The following FHIT variants were observed in gnomAD, a reference collection of about 807,000 sequenced individuals.
FHIT encodes the protein fragile histidine triad diadenosine triphosphatase, also known as bis(5'-adenosyl)-triphosphatase.
In FHIT, 19 loss-of-function variants were observed where a neutral mutation model predicts 17.9. That is an observed-to-expected ratio of 1.06 (90% CI 0.74 to 1.56). The LOEUF (loss-of-function observed/expected upper bound fraction) is 1.56. FHIT is among the 40% of genes most tolerant of loss of function. The pLI is 0.00. For missense variants in FHIT, 248 were observed against 189.2 expected (o/e 1.31, Z -1.82); for synonymous variants, 81 against 69.7 (o/e 1.16, Z -0.81).
At chr3:60,067,134 A>G (rs1156290114) in intron 5 of FHIT, among the ~76,000 whole-genome samples, 2 of 152,168 alleles carry the variant, frequency 1.3e-5, no homozygotes, top group East Asian at 1.9e-4. Flanking sequence ...AAATAAACCT[A>G]TTCATGAACA....
chr3:60,634,704 A>T (rs2039534645), intron 4 of FHIT, among the ~76,000 whole-genome samples: 1 of 152,238 alleles, frequency 6.6e-6, no homozygotes, highest in Non-Finnish European at 1.5e-5. Flanking sequence ...TAAATGAGAA[A>T]GAGGAGAAGA....
intron 5 of FHIT, among the ~76,000 whole-genome samples, chr3:60,017,290 G>A (rs1700378532): frequency 6.6e-6 from 1 of 152,220 alleles, no homozygotes; most frequent in African/African-American, 2.4e-5. Flanking sequence ...ACAATGAAAG[G>A]AGGCCTCAGC....
At chr3:59,795,685 C>T (rs1244869714) in intron 8 of FHIT, among the ~76,000 whole-genome samples, 8 of 152,020 alleles carry the variant, frequency 5.3e-5, no homozygotes, top group Admixed American at 3.3e-4. Context: ...TATGATTGCA[C>T]CACTGTACTC....
chr3:60,117,987 G>C (rs952450979), intron 5 of FHIT, among the ~76,000 whole-genome samples: 9 of 152,134 alleles, frequency 5.9e-5, no homozygotes, highest in South Asian at 4.1e-4. Context: ...ATGGGATTCT[G>C]ACCTCCATTC....
chr3:61,091,575 G>A (rs117797981), intron 2 of FHIT, among the ~76,000 whole-genome samples: 3 of 152,098 alleles, frequency 2.0e-5, no homozygotes, highest in East Asian at 1.9e-4. Flanking sequence ...CCTGCCTAAC[G>A]TTAGCAAAAT....
chr3:60,027,283 A>G (rs926822036), intron 5 of FHIT, among the ~76,000 whole-genome samples: 12 of 152,200 alleles, frequency 7.9e-5, no homozygotes, highest in Non-Finnish European at 1.5e-4. Flanking sequence ...AAAACTGTGG[A>G]AACAAAACAA....
chr3:60,655,647 C>G (rs952282392), intron 4 of FHIT, among the ~76,000 whole-genome samples: 1 of 152,038 alleles, frequency 6.6e-6, no homozygotes, highest in Admixed American at 6.6e-5. Flanking sequence ...TCAAGAGGAA[C>G]AGTTTTATTT....
chr3:59,822,873 T>C (rs1700845433), intron 8 of FHIT, among the ~76,000 whole-genome samples: 1 of 152,170 alleles, frequency 6.6e-6, no homozygotes, highest in Admixed American at 6.5e-5. Context: ...AAAGTCTGCC[T>C]AAGCCAATGT....
At chr3:60,766,201 T>C (rs553845548) in intron 4 of FHIT, among the ~76,000 whole-genome samples, 1 of 152,314 alleles carries the variant, frequency 6.6e-6, no homozygotes, top group South Asian at 2.1e-4. Context: ...CTTGGACACA[T>C]GAAAAATTAT....
chr3:60,341,658 C>T (rs1303625163), intron 5 of FHIT, among the ~76,000 whole-genome samples: 2 of 152,068 alleles, frequency 1.3e-5, no homozygotes, highest in Non-Finnish European at 2.9e-5. Flanking sequence ...GAAGATGCCT[C>T]TATGTAGTCT....
intron 4 of FHIT, among the ~76,000 whole-genome samples, chr3:60,664,708 GTTTTTT>G (rs575588178): frequency 1.5e-5 from 2 of 132,414 alleles, no homozygotes; most frequent in African/African-American, 2.7e-5. Context: ...AGTTTAGCTA[GTTTTTT>G]TTTTTTTTTT....
chr3:61,138,976 C>T (rs1435191243), intron 2 of FHIT, among the ~76,000 whole-genome samples: 2 of 151,786 alleles, frequency 1.3e-5, no homozygotes, highest in African/African-American at 4.8e-5. Context: ...AGAACCACAG[C>T]TGTGGGCCCT....
At chr3:59,962,895 T>A (rs1288480870) in intron 7 of FHIT, among the ~76,000 whole-genome samples, 1 of 152,178 alleles carries the variant, frequency 6.6e-6, no homozygotes, top group Non-Finnish European at 1.5e-5. Context: ...AGCAAATAGT[T>A]TGCACTTTGC....
intron 8 of FHIT, among the ~76,000 whole-genome samples, chr3:59,836,626 T>A (rs1701349262): frequency 6.6e-6 from 1 of 152,118 alleles, no homozygotes. Flanking sequence ...AGAAATCAAA[T>A]CAGTATGGGC....
At chr3:60,441,741 TATTTATATATATAAAA>T (rs1427192413) in intron 5 of FHIT, among the ~76,000 whole-genome samples, 38 of 98,854 alleles carry the variant, frequency 3.8e-4, no homozygotes, top group African/African-American at 1.6e-3. Context: ...TATATATATA[TATTTATATATATAAAA>T]ATATATATAT....
chr3:60,102,986 T>C (rs1055446621), intron 5 of FHIT, among the ~76,000 whole-genome samples: 2 of 152,190 alleles, frequency 1.3e-5, no homozygotes, highest in Non-Finnish European at 1.5e-5. Context: ...ACTTTTTCTT[T>C]CTGAGCACAT....
intron 2 of FHIT, among the ~76,000 whole-genome samples, chr3:61,080,802 A>G (rs559222583): frequency 6.6e-5 from 10 of 152,106 alleles, no homozygotes; most frequent in Admixed American, 2.0e-4. Flanking sequence ...TTTCCCACCA[A>G]TGGGGAAACA....
chr3:60,018,752 C>T (rs545362537), intron 5 of FHIT, among the ~76,000 whole-genome samples: 31 of 152,194 alleles, frequency 2.0e-4, no homozygotes, highest in East Asian at 5.8e-4. Context: ...CCAAAGCGCG[C>T]GAATCACCTG....
At chr3:60,326,502 G>C (rs559582673) in intron 5 of FHIT, among the ~76,000 whole-genome samples, 1 of 152,086 alleles carries the variant, frequency 6.6e-6, no homozygotes, top group African/African-American at 2.4e-5. Context: ...ATGGGGGAGC[G>C]GCTGTAAAGA....
Sources: gnomAD v4.1 joint callset for allele counts (sites outside exome capture counted in the v4.1 genomes callset) on GRCh38, gnomAD v4.1.1 for gene constraint, MANE v1.5 for transcripts, NCBI Gene and HGNC (gene_info 2026-07-23, HGNC 2026-07-21) for gene names.